The following ZNF536 variants were observed in gnomAD, a reference collection of about 807,000 sequenced individuals.
ZNF536 encodes zinc finger protein 536.
A neutral mutation model predicts 84.5 loss-of-function variants in ZNF536; 13 were observed. The ratio of observed to expected loss-of-function variants is 0.15; its 90% CI spans 0.10 to 0.24. The LOEUF (loss-of-function observed/expected upper bound fraction) is 0.24. Among genes scored for constraint, ZNF536 ranks in the 10% least tolerant of loss-of-function variants. ZNF536 has a pLI of 1.00. For missense variants in ZNF536, 1,536 were observed against 1,747.5 expected (o/e 0.88, Z 2.16); for synonymous variants, 811 against 742.5 (o/e 1.09, Z -1.50).
chr19:30,558,571 T>A (rs1306166752), downstream of ZNF536, among the ~76,000 whole-genome samples: 2 of 152,218 alleles, frequency 1.3e-5, no homozygotes, highest in African/African-American at 4.8e-5. Context: ...AATCTTTATG[T>A]TCTGCTGACC....
At chr19:30,663,001 C>T (rs1392345795) in intron 1 of ZNF536, among the ~76,000 whole-genome samples, 1 of 139,682 alleles carries the variant, frequency 7.2e-6, no homozygotes, top group Non-Finnish European at 1.5e-5. Context: ...AATAGTTTCC[C>T]CTTTGGGGAG....
chr19:30,227,704 A>G (rs141376606), upstream of ZNF536, among the ~76,000 whole-genome samples: 27,948 of 150,324 alleles, frequency 0.19, 3,150 homozygotes, highest in African/African-American at 0.3. Context: ...AGCGCGCGGT[A>G]CGGCCCTCCG....
At chr19:30,504,848 C>T (rs4805573) in intron 2 of ZNF536, among the ~76,000 whole-genome samples, 21,112 of 151,834 alleles carry the variant, frequency 0.14, 1,958 homozygotes, top group East Asian at 0.28. Flanking sequence ...GCGCCATTTC[C>T]GATGAGGATG....
downstream of ZNF536, among the ~76,000 whole-genome samples, chr19:30,563,059 C>T (rs542106751): frequency 6.6e-6 from 1 of 152,146 alleles, no homozygotes; most frequent in Non-Finnish European, 1.5e-5. Context: ...TGGAGGTTGT[C>T]GAGTCACCCT....
chr19:30,675,038 A>G (rs2050701177), intron 1 of ZNF536, among the ~76,000 whole-genome samples: 1 of 152,178 alleles, frequency 6.6e-6, no homozygotes, highest in Non-Finnish European at 1.5e-5. Flanking sequence ...CAAGAGACAC[A>G]GATAACAGTG....
chr19:30,320,460 A>G (rs867170352), intron 2 of ZNF536, among the ~76,000 whole-genome samples: 68 of 152,240 alleles, frequency 4.5e-4, no homozygotes, highest in African/African-American at 1.5e-3. Context: ...TCTTTGAGCA[A>G]ATTAGACTTC....
At chr19:30,240,166 C>T (rs1038328809) in intron 1 of ZNF536, among the ~76,000 whole-genome samples, 6 of 152,020 alleles carry the variant, frequency 3.9e-5, no homozygotes, top group African/African-American at 1.4e-4. Context: ...GTCAGGAGAT[C>T]GACACCAGCC....
intron 3 of ZNF536, among the ~76,000 whole-genome samples, chr19:30,357,431 G>A (rs528582759): frequency 6.3e-4 from 96 of 152,258 alleles, no homozygotes; most frequent in Non-Finnish European, 1.1e-3. Context: ...TTTATCAGGC[G>A]TGGCTTTGTA....
At position 30,495,685 on chromosome 19, in the gene ZNF536, G is replaced by A. The variant is rs369613429; in HGVS notation, c.2171-39162G>A. On this transcript the variant is annotated intron_variant, in intron 2 of 4. Transcript: ENST00000355537. ...GGACCAGTTTACCAACTCAGTCTCA[G>A]CCCAGCTGTTCTTTATGGGGGTATC... Among the ~76,000 whole-genome samples the A allele has an allele frequency of 6.6e-5, 10 of 152,304 alleles. No individual in the cohort carries two copies. In the South Asian group the frequency reaches 2.1e-3, roughly 32 times the overall value.
intron 1 of ZNF536, among the ~76,000 whole-genome samples, chr19:30,578,578 T>A (rs1409234566): frequency 6.6e-6 from 1 of 152,270 alleles, no homozygotes; most frequent in Non-Finnish European, 1.5e-5. Flanking sequence ...ACATGAGGAA[T>A]GAGCTCTTCC....
intron 1 of ZNF536, among the ~76,000 whole-genome samples, chr19:30,239,435 A>G (rs2023777250): frequency 6.6e-6 from 1 of 152,232 alleles, no homozygotes; most frequent in Admixed American, 6.5e-5. Flanking sequence ...TGTAGGTTGC[A>G]TGCCCTTCAG....
intron 3 of ZNF536, among the ~76,000 whole-genome samples, chr19:30,364,089 G>C (rs145030629): frequency 6.6e-6 from 1 of 152,150 alleles, no homozygotes; most frequent in Admixed American, 6.6e-5. Flanking sequence ...GCAGGCAAGC[G>C]TGGAGGTGTA....
At chr19:30,610,188 A>G (rs1291033868) in intron 1 of ZNF536, among the ~76,000 whole-genome samples, 1 of 152,364 alleles carries the variant, frequency 6.6e-6, no homozygotes, top group East Asian at 1.9e-4. Context: ...AATGCCTTAC[A>G]ACACATTTTC....
chr19:30,341,980 G>T (rs1343481233), intron 2 of ZNF536, among the ~76,000 whole-genome samples: 1 of 152,168 alleles, frequency 6.6e-6, no homozygotes, highest in Non-Finnish European at 1.5e-5. Flanking sequence ...TGGATCAGAT[G>T]ACTTTATGTA....
chr19:30,665,635 G>C (rs1184074592), intron 1 of ZNF536: 1 of 152,234 alleles, frequency 6.6e-6, no homozygotes, highest in Non-Finnish European at 1.5e-5. Context: ...GGAGGGTCTG[G>C]TGCTGGGTAA....
chr19:30,439,415 T>C (rs979091354), intron 1 of ZNF536, among the ~76,000 whole-genome samples: 1 of 151,980 alleles, frequency 6.6e-6, no homozygotes, highest in African/African-American at 2.4e-5. Context: ...GCTGGAGAAA[T>C]TGGGGCCGAC....
At chr19:30,334,808 G>C (rs1308308046) in intron 2 of ZNF536, among the ~76,000 whole-genome samples, 1 of 152,200 alleles carries the variant, frequency 6.6e-6, no homozygotes, top group Admixed American at 6.5e-5. Context: ...TGGATGGATG[G>C]TTTCAGGATG....
intron 2 of ZNF536, among the ~76,000 whole-genome samples, chr19:30,330,203 C>T (rs1248236796): frequency 6.6e-6 from 1 of 152,106 alleles, no homozygotes; most frequent in Admixed American, 6.5e-5. Flanking sequence ...GCCAGGTGCC[C>T]ACATGTTAAA....
intron 1 of ZNF536, among the ~76,000 whole-genome samples, chr19:30,622,549 C>T (rs2048521536): frequency 6.6e-6 from 1 of 152,214 alleles, no homozygotes; most frequent in Admixed American, 6.5e-5. Flanking sequence ...GCGTCACTTT[C>T]ACACCTCTTA....
Sources: allele counts gnomAD v4.1 joint callset (sites outside exome capture counted in the v4.1 genomes callset), GRCh38; gene constraint gnomAD v4.1.1; transcripts MANE v1.5; gene names NCBI Gene and HGNC (gene_info 2026-07-23, HGNC 2026-07-21).